Variants in MAPK6 observed in about 807,000 individuals in gnomAD.
MAPK6 encodes mitogen-activated protein kinase 6.
MAPK6 carries 19 observed loss-of-function variants against 59.3 expected under a neutral mutation model. That is an observed-to-expected ratio of 0.32 (90% CI 0.22 to 0.47). The LOEUF (loss-of-function observed/expected upper bound fraction) is 0.47, where lower values mean the gene tolerates loss of function less well. Among genes scored for constraint, MAPK6 ranks in the 20% least tolerant of loss-of-function variants. The pLI, the probability that MAPK6 is intolerant of heterozygous loss-of-function variation, is 1.00. For synonymous variants in MAPK6, 316 were observed against 290.3 expected (o/e 1.09, Z -0.90); for missense variants, 724 against 847.9 (o/e 0.85, Z 1.81).
chr15:52,057,273 A>G (rs1382126043), intron 3 of MAPK6: 1 of 151,662 alleles, frequency 6.6e-6, no homozygotes. Flanking sequence ...AAGACAAGGT[A>G]GATCATGTCA....
intron 1 of MAPK6, among the ~76,000 whole-genome samples, chr15:52,038,386 C>T (rs1027856778): frequency 1.3e-5 from 2 of 152,166 alleles, no homozygotes; most frequent in African/African-American, 4.8e-5. Context: ...ACCATGTGAC[C>T]TACTTTAGTC....
intron 3 of MAPK6, among the ~76,000 whole-genome samples, chr15:52,008,166 C>T (rs1013761819): frequency 1.3e-5 from 2 of 152,052 alleles, no homozygotes; most frequent in African/African-American, 4.8e-5. Context: ...CTTCCTGATG[C>T]ACACACATTG....
At chr15:52,022,105 C>T (rs1006812543) in intron 1 of MAPK6, among the ~76,000 whole-genome samples, 3 of 152,038 alleles carry the variant, frequency 2.0e-5, no homozygotes, top group Non-Finnish European at 4.4e-5. Flanking sequence ...GGAAGGATCG[C>T]TTGAGGCCAG....
intron 2 of MAPK6, among the ~76,000 whole-genome samples, chr15:51,993,802 CT>C (rs1169370572): frequency 2.0e-3 from 281 of 140,414 alleles, no homozygotes; most frequent in Middle Eastern, 3.7e-3. Flanking sequence ...TTTTTTCTTT[CT>C]TTTTTTTTTT....
intron 1 of MAPK6, among the ~76,000 whole-genome samples, chr15:52,040,787 A>T (rs1379167602): frequency 1.3e-5 from 2 of 152,178 alleles, no homozygotes; most frequent in Admixed American, 6.5e-5. Flanking sequence ...GTTTCAGGGA[A>T]CTGCCTTATA....
intron 1 of MAPK6, among the ~76,000 whole-genome samples, chr15:52,030,106 T>C (rs2030968811): frequency 6.6e-6 from 1 of 152,194 alleles, no homozygotes; most frequent in African/African-American, 2.4e-5. Context: ...CCAAGTTTTA[T>C]CCTGCCTTAG....
At chr15:52,019,206 AG>A (rs2030383043), upstream of MAPK6, 1 of 151,470 alleles carries the variant, frequency 6.6e-6, no homozygotes, top group South Asian at 2.1e-4. Flanking sequence ...GGCACCGCGA[AG>A]CCCCGCCCCC....
intron 1 of MAPK6, among the ~76,000 whole-genome samples, chr15:52,043,788 T>C (rs1243810709): frequency 8.4e-6 from 1 of 119,336 alleles, no homozygotes; most frequent in African/African-American, 3.2e-5. Flanking sequence ...AGGCAGAGTC[T>C]CGCTGTGTCC....
chr15:52,060,955 T>C (rs997623038), intron 4 of MAPK6, among the ~76,000 whole-genome samples: 4 of 152,222 alleles, frequency 2.6e-5, no homozygotes, highest in African/African-American at 4.8e-5. Flanking sequence ...ACTACAGTGC[T>C]AGTAATTGAG....
intron 4 of MAPK6, among the ~76,000 whole-genome samples, chr15:52,060,128 G>C (rs951848958): frequency 7.2e-5 from 11 of 152,108 alleles, no homozygotes; most frequent in Non-Finnish European, 1.3e-4. Flanking sequence ...AGTCCTAGCT[G>C]TTCAGGAGGC....
chr15:52,005,659 A>G (rs1403327321), intron 3 of MAPK6, among the ~76,000 whole-genome samples: 2 of 152,142 alleles, frequency 1.3e-5, no homozygotes, highest in Non-Finnish European at 2.9e-5. Context: ...GTGCTTCCAC[A>G]CACATTATCT....
intron 2 of MAPK6, among the ~76,000 whole-genome samples, chr15:51,987,910 C>T (rs550564509): frequency 2.6e-5 from 4 of 151,940 alleles, no homozygotes; most frequent in South Asian, 4.2e-4. Flanking sequence ...GGATTACAGG[C>T]GCACGCCACC....
At chr15:51,988,669 T>C (rs1414086491) in intron 2 of MAPK6, among the ~76,000 whole-genome samples, 1 of 151,366 alleles carries the variant, frequency 6.6e-6, no homozygotes, top group African/African-American at 2.4e-5. Context: ...GAGGCAGAGG[T>C]TGCAATGAGC....
chr15:51,981,944 G>A (rs1202846044), intron 1 of MAPK6, among the ~76,000 whole-genome samples: 3 of 152,152 alleles, frequency 2.0e-5, no homozygotes, highest in Non-Finnish European at 2.9e-5. Context: ...AGGGAAAGGA[G>A]TGACAGAAGG....
upstream of MAPK6, chr15:52,019,165 C>G (rs1282454453): frequency 6.6e-6 from 1 of 151,764 alleles, no homozygotes; most frequent in Non-Finnish European, 1.5e-5. Flanking sequence ...CGGGAGAACC[C>G]GTGGAGTGAG....
intron 1 of MAPK6, among the ~76,000 whole-genome samples, chr15:52,039,507 G>GTT: frequency 8.2e-6 from 1 of 122,124 alleles, no homozygotes; most frequent in Non-Finnish European, 1.7e-5. Context: ...TGAGTGTTTT[G>GTT]TCTTTTTTTT....
intron 1 of MAPK6, chr15:52,024,589 CG>C (rs1445068150): frequency 6.6e-6 from 1 of 151,972 alleles, no homozygotes; most frequent in Non-Finnish European, 1.5e-5. Flanking sequence ...TTAGTAGAGA[CG>C]GGGTTTCACC....
intron 3 of MAPK6, among the ~76,000 whole-genome samples, chr15:52,010,637 GC>G (rs1228819153): frequency 2.7e-5 from 4 of 150,570 alleles, no homozygotes; most frequent in Non-Finnish European, 5.9e-5. Context: ...TCCTGCCTCA[GC>G]CTCCTGAGTA....
intron 3 of MAPK6, among the ~76,000 whole-genome samples, chr15:52,008,243 A>C (rs2029956969): frequency 6.6e-6 from 1 of 152,202 alleles, no homozygotes; most frequent in Admixed American, 6.5e-5. Context: ...AAATGTCCTC[A>C]GCACAAGCAG....
Sources: allele counts gnomAD v4.1 joint callset (sites outside exome capture counted in the v4.1 genomes callset), GRCh38; gene constraint gnomAD v4.1.1; transcripts MANE v1.5; gene names NCBI Gene and HGNC (gene_info 2026-07-23, HGNC 2026-07-21).